WLS: variants seen among roughly 807,000 people sequenced by gnomAD.
The protein encoded by WLS is Wnt ligand secretion mediator.
In WLS, 23 loss-of-function variants were observed where a neutral mutation model predicts 62.8. The ratio of observed to expected loss-of-function variants is 0.37; its 90% CI spans 0.26 to 0.52. The LOEUF (loss-of-function observed/expected upper bound fraction) is 0.52, where lower values mean the gene tolerates loss of function less well. WLS is among the 20% of genes least tolerant of loss of function. The probability of loss-of-function intolerance (pLI) is 0.92; values close to 1 mark genes in which losing one functional copy is unlikely to be tolerated. For missense variants in WLS, 615 were observed against 697.3 expected, an observed-to-expected ratio of 0.88 and a Z score of 1.33; for synonymous variants, 246 against 244.1, an observed-to-expected ratio of 1.01 and a Z score of -0.07.
At chr1:68,144,965 A>C (rs2100448895) in intron 9 of WLS, among the ~76,000 whole-genome samples, 1 of 152,336 alleles carries the variant, frequency 6.6e-6, no homozygotes, top group African/African-American at 2.4e-5. Context: ...CAAGGGTTCA[A>C]AGTTACCAAA....
chr1:68,179,955 C>T (rs568123596), intron 2 of WLS, among the ~76,000 whole-genome samples: 1 of 152,252 alleles, frequency 6.6e-6, no homozygotes, highest in Admixed American at 6.5e-5. Flanking sequence ...CTAGTCTGAT[C>T]AGTTATGGCT....
chr1:68,133,743 C>G (rs148805897), intron 11 of WLS, among the ~76,000 whole-genome samples: 1 of 152,226 alleles, frequency 6.6e-6, no homozygotes, highest in Admixed American at 6.5e-5. Flanking sequence ...AAAAGTCTAT[C>G]GTGAAATGCT....
Position 68,155,165 on chromosome 1 carries a change from C to T in WLS, c.600G>A (p.Arg200=). ...TTTTCTTCTTCTCATTCACAGGCAGCCGGATGTTTAAAAGGTAAAACTTAT... is the reference window on the plus strand; with the variant it reads ...TTTTCTTCTTCTCATTCACAGGCAGTCGGATGTTTAAAAGGTAAAACTTAT... ...VAHKFYLLNI[R]LPVNEKKKIN... The change falls in exon 4 of 12, where the codon CGG becomes CGA. Residue 200 remains arginine (R), a synonymous_variant. Transcript: ENST00000262348. 2 of 1,613,918 alleles carry T rather than the reference C, an allele frequency of 1.2e-6. No individual in the cohort carries two copies. The highest frequency in any genetic ancestry group is 1.7e-6 in the Non-Finnish European group (2 of 1,179,940).
At chr1:68,211,926 C>T (rs1205017559) in intron 1 of WLS, among the ~76,000 whole-genome samples, 1 of 152,150 alleles carries the variant, frequency 6.6e-6, no homozygotes, top group African/African-American at 2.4e-5. Context: ...TTAGCCATTG[C>T]ACAGTTGGCT....
At chr1:68,102,228 G>A (rs1646088264) in intron 11 of WLS, among the ~76,000 whole-genome samples, 1 of 148,124 alleles carries the variant, frequency 6.8e-6, no homozygotes, top group Non-Finnish European at 1.5e-5. Context: ...CTGGGGGATT[G>A]GGAAGTTATT....
At chr1:68,207,270 G>A (rs886070061) in intron 1 of WLS, among the ~76,000 whole-genome samples, 1 of 152,164 alleles carries the variant, frequency 6.6e-6, no homozygotes, top group African/African-American at 2.4e-5. Context: ...AATACTCACA[G>A]CCTAATACAA....
intron 11 of WLS, among the ~76,000 whole-genome samples, chr1:68,134,793 G>C (rs1646581582): frequency 6.6e-6 from 1 of 152,222 alleles, no homozygotes. Context: ...GAAAAACTCT[G>C]TTGAGGAAGA....
intron 11 of WLS, among the ~76,000 whole-genome samples, chr1:68,114,015 A>G (rs920663350): frequency 6.6e-6 from 1 of 152,222 alleles, no homozygotes; most frequent in African/African-American, 2.4e-5. Context: ...GACTGTAATC[A>G]CTCAACAGAA....
intron 2 of WLS, among the ~76,000 whole-genome samples, chr1:68,187,046 CT>C (rs2100584444): frequency 6.6e-6 from 1 of 151,796 alleles, no homozygotes; most frequent in Non-Finnish European, 1.5e-5. Flanking sequence ...CTCATCTCTA[CT>C]AAAAATACAA....
intron 11 of WLS, chr1:68,098,981 C>A (rs1004737369): frequency 7.0e-6 from 4 of 570,164 alleles, no homozygotes; most frequent in Admixed American, 3.5e-5. Context: ...ATTATTGTGA[C>A]AATCAGTTCC....
At chr1:68,161,057 C>T (rs1378559114) in intron 2 of WLS, among the ~76,000 whole-genome samples, 2 of 152,162 alleles carry the variant, frequency 1.3e-5, no homozygotes, top group East Asian at 3.8e-4. Flanking sequence ...CTCAACTTTC[C>T]ACTCAATAAA....
intron 1 of WLS, among the ~76,000 whole-genome samples, 182 bp from the exon 2 acceptor site, chr1:68,194,409 T>G (rs1036067): frequency 0.13 from 19,335 of 152,196 alleles, 1,695 homozygotes; most frequent in African/African-American, 0.25. Context: ...TCCAGAGGTG[T>G]CATAACAGTA....
chr1:68,218,360 A>G (rs1381504820), intron 1 of WLS, among the ~76,000 whole-genome samples: 1 of 152,162 alleles, frequency 6.6e-6, no homozygotes, highest in Non-Finnish European at 1.5e-5. Flanking sequence ...TTTAAATTCA[A>G]ACAAGAAATC....
intron 11 of WLS, among the ~76,000 whole-genome samples, chr1:68,116,974 C>A (rs1646300902): frequency 6.6e-6 from 1 of 152,148 alleles, no homozygotes; most frequent in Non-Finnish European, 1.5e-5. Flanking sequence ...CTGGCCCCGA[C>A]CCCTCCCACT....
At chr1:68,129,323 T>TAAAC (rs10645952) in intron 11 of WLS, among the ~76,000 whole-genome samples, 95,233 of 151,628 alleles carry the variant, frequency 0.63, 30,191 homozygotes, top group Non-Finnish European at 0.68. Context: ...TCTCAAAAAC[T>TAAAC]AAACAAAACA....
At chr1:68,137,557 T>C (rs1646628367) in intron 11 of WLS, among the ~76,000 whole-genome samples, 1 of 152,200 alleles carries the variant, frequency 6.6e-6, no homozygotes, top group African/African-American at 2.4e-5. Flanking sequence ...TCTCAATGTA[T>C]TTTAGAGATT....
intron 1 of WLS, among the ~76,000 whole-genome samples, chr1:68,201,579 G>A (rs996030989): frequency 2.6e-5 from 4 of 152,224 alleles, no homozygotes; most frequent in Admixed American, 6.5e-5. Context: ...TAGACCAGAA[G>A]TGATTTTTAC....
At chr1:68,162,074 C>T in intron 2 of WLS, 2 of 1,578,826 alleles carry the variant, frequency 1.3e-6, no homozygotes, top group Non-Finnish European at 1.7e-6. Context: ...CGGCGGATCT[C>T]AGTGGCAGCT....
Position 68,194,110 on chromosome 1 carries a change from CG to C in WLS, c.223del (p.Arg75GlufsTer29). Reference protein sequence around the residue: ...PWGPNHCDKIRDIEEAIPREI... With the variant: ...PWGPNHCDKIXDIEEAIPREI... The stretch of plus-strand genomic sequence containing the variant: ...CCTTGGAATTGCCTCTTCAATGTCT[CG>C]GATCTTGTCACAATGATTGGGTCCC... On this transcript the variant is annotated frameshift_variant, in exon 2 of 12. Coordinates refer to ENST00000262348, the MANE Select transcript of WLS (RefSeq NM_024911.7). LOFTEE classifies it high-confidence loss of function. 6.2e-7 allele frequency: 1 copy of C among 1,614,128 alleles called. No homozygotes were observed. Among genetic ancestry groups the C allele is most frequent in the Non-Finnish European group, 8.5e-7 (1 of 1,180,030 alleles).
Sources: gnomAD v4.1 joint callset for allele counts (sites outside exome capture counted in the v4.1 genomes callset) on GRCh38, gnomAD v4.1.1 for gene constraint, MANE v1.5 for transcripts, NCBI Gene and HGNC (gene_info 2026-07-23, HGNC 2026-07-21) for gene names.